The following SIPA1L1 variants were observed in gnomAD, a reference collection of about 807,000 sequenced individuals.
SIPA1L1 encodes the protein signal-induced proliferation-associated 1-like protein 1.
Under a neutral mutation model 162.7 loss-of-function variants are expected in SIPA1L1, and 26 were observed. The observed-to-expected ratio is 0.16, with a 90% CI of 0.12 to 0.22. The LOEUF (loss-of-function observed/expected upper bound fraction) is 0.22, where lower values mean the gene tolerates loss of function less well. SIPA1L1 is among the 10% of genes least tolerant of loss of function. The probability of loss-of-function intolerance (pLI) is 1.00; values close to 1 mark genes in which losing one functional copy is unlikely to be tolerated. For missense variants in SIPA1L1, 1,874 were observed against 2,241.0 expected (o/e 0.84, Z 3.31); for synonymous variants, 829 against 837.4 (o/e 0.99, Z 0.17).
intron 2 of SIPA1L1, among the ~76,000 whole-genome samples, chr14:71,466,785 T>C (rs1210989462): frequency 6.6e-6 from 1 of 152,206 alleles, no homozygotes; most frequent in African/African-American, 2.4e-5. Flanking sequence ...CTCAAGCACA[T>C]TGACCAGTTA....
chr14:71,620,947 TG>T (rs1215509874), intron 6 of SIPA1L1, among the ~76,000 whole-genome samples: 8 of 152,212 alleles, frequency 5.3e-5, no homozygotes, highest in Non-Finnish European at 1.2e-4. Flanking sequence ...CATTACCACT[TG>T]TTTTTTACGT....
At chr14:71,476,023 A>AG (rs1415868209) in intron 2 of SIPA1L1, among the ~76,000 whole-genome samples, 1 of 152,198 alleles carries the variant, frequency 6.6e-6, no homozygotes, top group Non-Finnish European at 1.5e-5. Context: ...GTTTACAGTG[A>AG]GGTAGGTCAT....
At chr14:71,583,871 AACAG>A (rs1467964268) in intron 4 of SIPA1L1, among the ~76,000 whole-genome samples, 2 of 152,186 alleles carry the variant, frequency 1.3e-5, no homozygotes, top group African/African-American at 4.8e-5. Context: ...CTACAGTATC[AACAG>A]ACAGAGTACT....
chr14:71,640,581 T>G (rs1034031284), intron 7 of SIPA1L1, among the ~76,000 whole-genome samples: 1 of 152,204 alleles, frequency 6.6e-6, no homozygotes, highest in Non-Finnish European at 1.5e-5. Flanking sequence ...AATTCAAGGC[T>G]TACTAGAGAA....
chr14:71,391,450 T>TTA (rs758827044), intron 2 of SIPA1L1, among the ~76,000 whole-genome samples: 6 of 152,336 alleles, frequency 3.9e-5, no homozygotes, highest in Non-Finnish European at 8.8e-5. Context: ...AGACATTACT[T>TTA]AAATAATCAC....
intron 8 of SIPA1L1, among the ~76,000 whole-genome samples, chr14:71,655,812 G>A (rs545219940): frequency 6.6e-6 from 1 of 151,842 alleles, no homozygotes; most frequent in African/African-American, 2.4e-5. Flanking sequence ...TTTTTAATGG[G>A]GCTGTTTGTT....
intron 4 of SIPA1L1, among the ~76,000 whole-genome samples, chr14:71,575,813 G>A (rs1457888814): frequency 6.6e-6 from 1 of 152,082 alleles, no homozygotes. Flanking sequence ...TTTGATGAGT[G>A]GATTGGGGTG....
intron 7 of SIPA1L1, among the ~76,000 whole-genome samples, chr14:71,645,690 T>C (rs781633033): frequency 7.2e-5 from 11 of 152,172 alleles, no homozygotes; most frequent in Non-Finnish European, 1.3e-4. Context: ...GCTGGTATAG[T>C]TTGGAGCCAC....
intron 10 of SIPA1L1, among the ~76,000 whole-genome samples, chr14:71,666,994 A>T (rs558726581): frequency 1.3e-5 from 2 of 151,962 alleles, no homozygotes; most frequent in Admixed American, 1.3e-4. Flanking sequence ...CAGCATCCCT[A>T]TTGTCCACTG....
chr14:71,670,994 T>TG, intron 10 of SIPA1L1, 125 bp from the exon 11 acceptor site: 1 of 752,744 alleles, frequency 1.3e-6, no homozygotes. Context: ...GTGTTGTTTC[T>TG]CATGGAAAAA....
intron 5 of SIPA1L1, among the ~76,000 whole-genome samples, chr14:71,601,668 A>G (rs1358601712): frequency 6.6e-6 from 1 of 152,032 alleles, no homozygotes; most frequent in Non-Finnish European, 1.5e-5. Context: ...GAGAATTTGT[A>G]TTCTTTATAA....
At chr14:71,358,436 T>C (rs1046121750) in intron 2 of SIPA1L1, among the ~76,000 whole-genome samples, 6 of 152,182 alleles carry the variant, frequency 3.9e-5, no homozygotes, top group Non-Finnish European at 7.3e-5. Context: ...CCATTACGTG[T>C]ATAGTCGGTA....
intron 2 of SIPA1L1, among the ~76,000 whole-genome samples, chr14:71,510,446 C>T (rs2051048740): frequency 6.6e-6 from 1 of 152,072 alleles, no homozygotes; most frequent in Non-Finnish European, 1.5e-5. Context: ...GGTCGGCCTC[C>T]CAAAATGCTG....
At position 71,730,230 on chromosome 14, in the gene SIPA1L1, C is replaced by G; in HGVS notation, c.4790C>G (p.Thr1597Arg). 1 of 1,614,192 alleles carries G rather than the reference C, an allele frequency of 6.2e-7. No individual in the cohort carries two copies. Among genetic ancestry groups the G allele is most frequent in the Non-Finnish European group, 8.5e-7 (1 of 1,180,038 alleles). ...ALPNDVLFSSTYPSLPKSLPL... is the reference protein window; with the variant it reads ...ALPNDVLFSSRYPSLPKSLPL... ...CCCAACGACGTCCTCTTCAGTAGCA[C>G]GTACCCTTCTCTCCCCAAGTCGCTC... is the stretch of plus-strand genomic sequence containing the variant. Residue 1597 changes from threonine to arginine, a missense_variant, in exon 20 of 24, where the codon ACG (threonine) becomes AGG (arginine). By Grantham distance (71) the Thr-to-Arg change is moderately conservative (BLOSUM62 -1). Around this residue, in one of 5 missense-constraint regions of SIPA1L1, gnomAD observed 936 missense variants for 1,051.9 expected, o/e 0.89. Transcript: ENST00000381232.
chr14:71,497,592 A>G (rs747414423), intron 2 of SIPA1L1, among the ~76,000 whole-genome samples: 9 of 152,204 alleles, frequency 5.9e-5, no homozygotes, highest in Non-Finnish European at 1.2e-4. Flanking sequence ...GGGATGTTAT[A>G]TAAGTGGAGC....
intron 5 of SIPA1L1, chr14:71,598,107 C>A: frequency 1.8e-6 from 1 of 541,962 alleles, no homozygotes; most frequent in Non-Finnish European, 2.4e-6. Flanking sequence ...TAATATGTTG[C>A]AGTTCCTCTT....
intron 18 of SIPA1L1, 93 bp downstream of exon 18, chr14:71,723,979 C>G: frequency 6.7e-7 from 1 of 1,481,872 alleles, no homozygotes; most frequent in Non-Finnish European, 9.2e-7. Flanking sequence ...CAAAAGAGGC[C>G]GGGCTAGGGG....
chr14:71,382,459 C>A (rs975507665), intron 2 of SIPA1L1, among the ~76,000 whole-genome samples: 6 of 152,138 alleles, frequency 3.9e-5, no homozygotes, highest in African/African-American at 1.4e-4. Context: ...AAAGCCTAAA[C>A]AAATTTACAT....
intron 5 of SIPA1L1, among the ~76,000 whole-genome samples, chr14:71,605,078 C>A (rs78524324): frequency 0.011 from 1,708 of 151,680 alleles, 15 homozygotes; most frequent in East Asian, 0.032. Context: ...TTTTTTTATT[C>A]TTTTTTTGCA....
Sources: allele counts gnomAD v4.1 joint callset (sites outside exome capture counted in the v4.1 genomes callset), GRCh38; gene constraint gnomAD v4.1.1; regional missense constraint gnomAD v4.1.1; transcripts MANE v1.5; gene names NCBI Gene and HGNC (gene_info 2026-07-23, HGNC 2026-07-21).